Variants in KCND2 observed in about 807,000 individuals in gnomAD.
KCND2 encodes the protein potassium voltage-gated channel subfamily D member 2.
In KCND2, 16 loss-of-function variants were observed where a neutral mutation model predicts 54.4. The observed-to-expected ratio is 0.29, with a 90% confidence interval of 0.20 to 0.45. The LOEUF (loss-of-function observed/expected upper bound fraction) is 0.45, where lower values mean the gene tolerates loss of function less well. KCND2 is among the 20% of genes least tolerant of loss of function. KCND2 has a pLI of 1.00. For missense variants in KCND2, 486 were observed against 824.2 expected, an observed-to-expected ratio of 0.59 and a Z score of 5.02; for synonymous variants, 317 against 310.7, an observed-to-expected ratio of 1.02 and a Z score of -0.21.
At chr7:120,616,235 A>T (rs975483851) in intron 1 of KCND2, among the ~76,000 whole-genome samples, 1 of 152,200 alleles carries the variant, frequency 6.6e-6, no homozygotes, top group African/African-American at 2.4e-5. Flanking sequence ...ATGTAATCTA[A>T]GGAAAAATCA....
chr7:120,408,017 T>G (rs1207349954), intron 1 of KCND2, among the ~76,000 whole-genome samples: 1 of 151,882 alleles, frequency 6.6e-6, no homozygotes, highest in East Asian at 1.9e-4. Context: ...GAAGAGGCTC[T>G]TGCTCTTGCA....
chr7:120,595,517 A>G (rs182949406), intron 1 of KCND2, among the ~76,000 whole-genome samples: 45 of 143,708 alleles, frequency 3.1e-4, no homozygotes, highest in African/African-American at 1.1e-3. Flanking sequence ...GTGTATATAT[A>G]TGTATATATA....
intron 1 of KCND2, among the ~76,000 whole-genome samples, chr7:120,632,559 G>T (rs1793246145): frequency 6.6e-6 from 1 of 152,066 alleles, no homozygotes; most frequent in Non-Finnish European, 1.5e-5. Flanking sequence ...TTTATAACAA[G>T]ATTTTTTAAA....
At chr7:120,363,674 T>A (rs1800627266) in intron 1 of KCND2, among the ~76,000 whole-genome samples, 1 of 152,136 alleles carries the variant, frequency 6.6e-6, no homozygotes, top group Non-Finnish European at 1.5e-5. Context: ...CATACCTAAT[T>A]TTGATCATGT....
chr7:120,481,148 G>A (rs1444596471), intron 1 of KCND2, among the ~76,000 whole-genome samples: 2 of 152,198 alleles, frequency 1.3e-5, no homozygotes, highest in Non-Finnish European at 2.9e-5. Context: ...ATTGCAAACT[G>A]AAGTAAAAGC....
At chr7:120,415,270 G>A (rs1370415823) in intron 1 of KCND2, among the ~76,000 whole-genome samples, 2 of 151,950 alleles carry the variant, frequency 1.3e-5, no homozygotes, top group Non-Finnish European at 2.9e-5. Flanking sequence ...GACCTGGCCT[G>A]AACAAAAACA....
intron 4 of KCND2, among the ~76,000 whole-genome samples, chr7:120,745,278 C>T (rs2116188264): frequency 6.6e-6 from 1 of 152,206 alleles, no homozygotes; most frequent in Middle Eastern, 3.4e-3. Context: ...TCTTAGGGGT[C>T]TCATTTTCTA....
chr7:120,608,641 C>A (rs1792913590), intron 1 of KCND2, among the ~76,000 whole-genome samples: 1 of 152,120 alleles, frequency 6.6e-6, no homozygotes, highest in African/African-American at 2.4e-5. Flanking sequence ...GTTTGGGCTT[C>A]CCACAATCAT....
In KCND2 at chr7:120,673,375, A is replaced by G. The variant is rs548780174; in HGVS notation, c.1116-59528A>G. On this transcript the variant is annotated intron_variant, in intron 1 of 5. Coordinates refer to ENST00000331113, the MANE Select transcript of KCND2 (RefSeq NM_012281.3). The stretch of plus-strand genomic sequence containing the variant: ...CCTTGTTTGCAATTATATTCATTTT[A>G]CTTCCCTCAAAATCTGATTCTCTTC... Among the ~76,000 whole-genome samples, 10 of 152,080 alleles carry G rather than the reference A, an allele frequency of 6.6e-5. No individual in the cohort carries two copies. The South Asian group carries it at 1.5e-3, about 22-fold the overall frequency.
intron 1 of KCND2, among the ~76,000 whole-genome samples, chr7:120,704,330 G>C (rs903325024): frequency 5.3e-5 from 8 of 152,050 alleles, no homozygotes; most frequent in African/African-American, 1.7e-4. Flanking sequence ...ATTCAGGATG[G>C]TAAAATTTTC....
rs184774893 is a variant in KCND2 at position 120,709,587 on chromosome 7, T to G, written c.1116-23316T>G. ...TTCTCCTCTCCTCTATGTCGTCATT[T>G]CAGCTAAGTATTTGGTTAAGAAAGG... On this transcript the variant is annotated intron_variant, in intron 1 of 5. Coordinates refer to ENST00000331113, the MANE Select transcript of KCND2 (RefSeq NM_012281.3). 1.1e-4 allele frequency among the ~76,000 whole-genome samples: 16 copies of G among 152,326 alleles called. No individual in the cohort carries two copies. The East Asian group carries it at 2.9e-3, about 28-fold the overall frequency.
chr7:120,488,431 T>G (rs1402170054), intron 1 of KCND2, among the ~76,000 whole-genome samples: 3 of 152,168 alleles, frequency 2.0e-5, no homozygotes, highest in Admixed American at 2.0e-4. Context: ...AGGACGAATG[T>G]GCTCTTGATT....
At chr7:120,372,486 T>A (rs1453414981) in intron 1 of KCND2, among the ~76,000 whole-genome samples, 1 of 151,812 alleles carries the variant, frequency 6.6e-6, no homozygotes, top group African/African-American at 2.4e-5. Context: ...TGCAAATAAT[T>A]TACTTCAATA....
At chr7:120,424,382 C>A (rs1183519111) in intron 1 of KCND2, among the ~76,000 whole-genome samples, 1 of 152,144 alleles carries the variant, frequency 6.6e-6, no homozygotes, top group African/African-American at 2.4e-5. Context: ...AGCATAAGAT[C>A]TCCATGGAAA....
intron 1 of KCND2, among the ~76,000 whole-genome samples, chr7:120,583,784 T>TGGGGG (rs36108636): frequency 1.1e-4 from 16 of 142,684 alleles, no homozygotes; most frequent in African/African-American, 4.1e-4. Flanking sequence ...ATAGGAATTG[T>TGGGGG]GGGGGGGGGG....
intron 1 of KCND2, among the ~76,000 whole-genome samples, chr7:120,582,818 T>C (rs371752461): frequency 2.6e-5 from 4 of 152,270 alleles, no homozygotes; most frequent in East Asian, 3.9e-4. Context: ...ATATCATTCA[T>C]ATATTTTTCT....
intron 1 of KCND2, among the ~76,000 whole-genome samples, chr7:120,295,224 T>A (rs1373094169): frequency 6.6e-6 from 1 of 151,770 alleles, no homozygotes; most frequent in Non-Finnish European, 1.5e-5. Flanking sequence ...AATATCAAGA[T>A]CTCTTCTTTC....
intron 1 of KCND2, among the ~76,000 whole-genome samples, chr7:120,280,157 G>A (rs1397304596): frequency 6.6e-6 from 1 of 152,002 alleles, no homozygotes; most frequent in East Asian, 1.9e-4. Flanking sequence ...TGACATATTT[G>A]TGTAAAGTTC....
chr7:120,424,428 A>G (rs968333239), intron 1 of KCND2, among the ~76,000 whole-genome samples: 1 of 152,232 alleles, frequency 6.6e-6, no homozygotes, highest in Non-Finnish European at 1.5e-5. Flanking sequence ...GTCAGATACA[A>G]TTTGCAACAA....
Sources: allele counts gnomAD v4.1 joint callset (sites outside exome capture counted in the v4.1 genomes callset), GRCh38; gene constraint gnomAD v4.1.1; transcripts MANE v1.5; gene names NCBI Gene and HGNC (gene_info 2026-07-23, HGNC 2026-07-21).